PGLYRP3: variants seen among roughly 807,000 people sequenced by gnomAD.
PGLYRP3 encodes peptidoglycan recognition protein I alpha.
In PGLYRP3, 39 loss-of-function variants were observed where a neutral mutation model predicts 36.0. The ratio of observed to expected loss-of-function variants is 1.08; its 90% CI spans 0.84 to 1.41. The LOEUF is 1.41. PGLYRP3 is among the 40% of genes most tolerant of loss of function. PGLYRP3 has a pLI of 0.00. For synonymous variants in PGLYRP3, 204 were observed against 172.8 expected, an observed-to-expected ratio of 1.18 and a Z score of -1.42; for missense variants, 407 against 427.9, an observed-to-expected ratio of 0.95 and a Z score of 0.43.
intron 7 of PGLYRP3, 133 bp from the exon 8 acceptor site, chr1:153,298,267 T>G: frequency 1.0e-6 from 1 of 982,272 alleles, no homozygotes; most frequent in South Asian, 1.6e-5. Flanking sequence ...GCCAACACAT[T>G]TACGTAAATT....
At position 153,307,282 on chromosome 1, in the gene PGLYRP3, A is replaced by G. The variant is rs1360673200; in HGVS notation, c.56-15T>C. 1.9e-6 allele frequency: 3 copies of G among 1,576,038 alleles called. No homozygotes were observed. The highest frequency in any genetic ancestry group is 4.3e-4 in the Middle Eastern group (2 of 4,612). On this transcript the variant is annotated splice_polypyrimidine_tract_variant and intron_variant, in intron 2 of 7. Transcript: ENST00000683862. ...GGTGGGAGTATCTGTAGGGAAGACC[A>G]CAGAATGGCACATAGCAGGCCCTGC...
rs371846186 is a variant in PGLYRP3, at chr1:153,298,486, C to G, written c.848-352G>C. ...TGGCTAACATGGTGAAACCCCATCTCTACTAAAAATACAAAAAAATTAGCC... is the reference window on the plus strand; with the variant it reads ...TGGCTAACATGGTGAAACCCCATCTGTACTAAAAATACAAAAAAATTAGCC... On this transcript the variant is annotated intron_variant, in intron 7 of 7. Coordinates refer to ENST00000683862, the MANE Select transcript of PGLYRP3 (RefSeq NM_052891.3). Among the ~76,000 whole-genome samples the G allele has an allele frequency of 2.2e-4, 34 of 151,960 alleles. 3 individuals carry two copies. Among genetic ancestry groups the G allele is most frequent in the Admixed American group, 1.7e-3 (26 of 15,258 alleles).
At chr1:153,310,907 G>A (rs911345492) in intron 1 of PGLYRP3, among the ~76,000 whole-genome samples, 1 of 152,054 alleles carries the variant, frequency 6.6e-6, no homozygotes, top group Admixed American at 6.5e-5. Flanking sequence ...TCTAGCCACC[G>A]ACTCCCCACC....
chr1:153,298,779 C>T (rs1013244834), intron 7 of PGLYRP3, among the ~76,000 whole-genome samples: 1 of 152,178 alleles, frequency 6.6e-6, no homozygotes, highest in Non-Finnish European at 1.5e-5. Flanking sequence ...TGGTGCTCCC[C>T]AAATTGTTGC....
At chr1:153,311,971 G>A (rs144857901) in intron 1 of PGLYRP3, among the ~76,000 whole-genome samples, 1,766 of 152,282 alleles carry the variant, frequency 0.012, 11 homozygotes, top group Non-Finnish European at 0.018. Flanking sequence ...AGCCTCCCTC[G>A]TTAGTTAAAT....
chr1:153,307,683 G>A (rs1659779946), intron 2 of PGLYRP3, among the ~76,000 whole-genome samples: 1 of 152,112 alleles, frequency 6.6e-6, no homozygotes, highest in Non-Finnish European at 1.5e-5. Flanking sequence ...GGTCTCAACT[G>A]TGTCTCTTGT....
chr1:153,303,341 A>T (rs548448110), intron 5 of PGLYRP3, among the ~76,000 whole-genome samples: 2 of 152,336 alleles, frequency 1.3e-5, no homozygotes, highest in South Asian at 4.1e-4. Context: ...TTGCATTTAG[A>T]AAGGTATGTA....
At chr1:153,303,768 G>A (rs1445842284) in intron 5 of PGLYRP3, 89 bp downstream of exon 5, 2 of 1,440,112 alleles carry the variant, frequency 1.4e-6, no homozygotes, top group Non-Finnish European at 1.9e-6. Flanking sequence ...ATCCCATGGG[G>A]TCTAACAGGA....
At chr1:153,305,193 G>A in intron 3 of PGLYRP3, 128 bp from the exon 4 acceptor site, 2 of 641,856 alleles carry the variant, frequency 3.1e-6, no homozygotes, top group Middle Eastern at 2.7e-4. Context: ...AAAACAATAG[G>A]AGGTGCAGAA....
At position 153,297,451 on chromosome 1, in the gene PGLYRP3, G is replaced by A. The variant is rs11205267; in HGVS notation, c.*505C>T. Among the ~76,000 whole-genome samples the A allele has an allele frequency of 0.042, 1,544 of 37,130 alleles. 33 individuals are homozygous for A. Among genetic ancestry groups the A allele is most frequent in the Non-Finnish European group, 0.056 (865 of 15,562 alleles). 24.4% of individuals were successfully genotyped at this position (37,130 alleles called of 152,430 possible). On this transcript the variant is annotated 3_prime_UTR_variant, in exon 8 of 8. Transcript: ENST00000683862. ...TCACCAGGCAGAGGCGGGGAGAGGG[G>A]GAGAGAGAGAGAGAGAGAGAGAGAG...
chr1:153,299,094 C>T lies in PGLYRP3; in HGVS notation c.847+19G>A. ...TCCTTCAACCCCCAGCACCCCTCTA[C>T]CCCATGCTCACCCCTTACCTACAAA... On this transcript the variant is annotated intron_variant, in intron 7 of 7. Coordinates refer to ENST00000683862, the MANE Select transcript of PGLYRP3 (RefSeq NM_052891.3). The T allele has an allele frequency of 6.2e-7, 1 of 1,600,256 alleles. No homozygotes were observed. The highest frequency in any genetic ancestry group is 1.3e-5 in the African/African-American group (1 of 74,718).
intron 2 of PGLYRP3, among the ~76,000 whole-genome samples, chr1:153,309,140 T>G (rs1224990507): frequency 6.6e-6 from 1 of 152,146 alleles, no homozygotes; most frequent in Non-Finnish European, 1.5e-5. Context: ...TTATCCCCCA[T>G]TGCTCCCATT....
Position 153,297,767 on chromosome 1 carries a change from G to A in PGLYRP3, c.*189C>T. On this transcript the variant is annotated 3_prime_UTR_variant, in exon 8 of 8. Coordinates refer to ENST00000683862, the MANE Select transcript of PGLYRP3 (RefSeq NM_052891.3). The stretch of plus-strand genomic sequence containing the variant: ...AGTCTAAACTCAGACCAAGAGGGCT[G>A]TGAATGCCCAGCTGTGAGGTTTGGG... 1.6e-6 allele frequency: 1 copy of A among 613,582 alleles called. No individual in the cohort carries two copies. The highest frequency in any genetic ancestry group is 2.8e-6 in the Non-Finnish European group (1 of 358,688). 38.0% of individuals were successfully genotyped at this position (613,582 alleles called of 1,614,324 possible).
At position 153,305,897 on chromosome 1, in the gene PGLYRP3, G is replaced by A. The variant is rs925527193; in HGVS notation, c.258-832C>T. Among the ~76,000 whole-genome samples the A allele has an allele frequency of 3.3e-5, 5 of 152,206 alleles. No homozygotes were observed. The East Asian group carries it at 5.8e-4, about 18-fold the overall frequency. ...TCCTGCAGCAGCCTGTGGTTAGTAC[G>A]GTGTGAACAGTCCCTTACAGCTACT... On this transcript the variant is annotated intron_variant, in intron 3 of 7. Coordinates refer to ENST00000683862, the MANE Select transcript of PGLYRP3 (RefSeq NM_052891.3).
Position 153,303,940 on chromosome 1 carries a change from T to A in PGLYRP3, c.446A>T (p.His149Leu), listed in dbSNP as rs748975091. The A allele has an allele frequency of 1.2e-6, 2 of 1,613,966 alleles. No individual in the cohort carries two copies. The highest frequency in any genetic ancestry group is 1.7e-6 in the Non-Finnish European group (2 of 1,179,962). ...TGGCTGAATATACCTGGGCGACAGG[T>A]GACCCTTCTGGATGGCATAGGAGAT... ...GLISYAIQKG[H>L]LSPRYIQPLL... The change falls in exon 5 of 8, where the codon CAC (histidine) becomes CTC (leucine). Residue 149 changes from histidine (H) to leucine (L), a missense_variant. Transcript: ENST00000683862.
chr1:153,301,401 C>G (rs999716003), intron 6 of PGLYRP3, among the ~76,000 whole-genome samples: 14 of 152,176 alleles, frequency 9.2e-5, no homozygotes, highest in African/African-American at 3.4e-4. Context: ...TATCATGAGG[C>G]TGGAGCAGAA....
In PGLYRP3 at chr1:153,297,794, G is replaced by A; in HGVS notation, c.*162C>T. On this transcript the variant is annotated 3_prime_UTR_variant, in exon 8 of 8. Transcript: ENST00000683862. ...GAATGCCCAGCTGTGAGGTTTGGGG[G>A]CTCCTGGAGGATGTTGGCAGGAAAG... 1.3e-6 allele frequency: 1 copy of A among 756,036 alleles called. No homozygotes were observed. Among genetic ancestry groups the A allele is most frequent in the Non-Finnish European group, 2.1e-6 (1 of 475,810 alleles). 46.8% of individuals were successfully genotyped at this position (756,036 alleles called of 1,614,324 possible).
At position 153,310,658 on chromosome 1, in the gene PGLYRP3, G is replaced by A. The variant is rs79228057; in HGVS notation, c.8C>T (p.Thr3Met). The change falls in exon 2 of 8, where the codon ACG (threonine) becomes ATG (methionine). Residue 3 changes from threonine (T) to methionine (M), a missense_variant. Transcript: ENST00000683862. MG[T>M]LPWLLAFFIL... ...GAAGAAGGCAAGAAGCCATGGCAGC[G>A]TCCCCATGTGGTCCCAGGACTCTGA... The A allele has an allele frequency of 2.1e-4, 340 of 1,614,050 alleles. 2 individuals carry two copies. The East Asian group carries it at 2.6e-3, about 12-fold the overall frequency.
chr1:153,312,043 C>G (rs1659907515), intron 1 of PGLYRP3, among the ~76,000 whole-genome samples: 1 of 152,216 alleles, frequency 6.6e-6, no homozygotes, highest in Admixed American at 6.5e-5. Context: ...TCCTGCAAAG[C>G]TACTGGAAGC....
Sources: gnomAD v4.1 joint callset for allele counts (sites outside exome capture counted in the v4.1 genomes callset) on GRCh38, gnomAD v4.1.1 for gene constraint, MANE v1.5 for transcripts, NCBI Gene and HGNC (gene_info 2026-07-23, HGNC 2026-07-21) for gene names.